The following RAB31 variants were observed in gnomAD, a reference collection of about 807,000 sequenced individuals.
RAB31 encodes RAB31, member RAS oncogene family.
Under a neutral mutation model 25.6 loss-of-function variants are expected in RAB31, and 21 were observed. That is an observed-to-expected ratio of 0.82 (90% CI 0.58 to 1.18). The LOEUF is 1.18. Among genes scored for constraint, RAB31 ranks in the 50% most tolerant of loss-of-function variants. The pLI is 0.00. For synonymous variants in RAB31, 87 were observed against 84.0 expected, an observed-to-expected ratio of 1.04 and a Z score of -0.20; for missense variants, 196 against 250.1, an observed-to-expected ratio of 0.78 and a Z score of 1.46.
At chr18:9,785,417 T>C (rs753958447) in intron 2 of RAB31, among the ~76,000 whole-genome samples, 26 of 152,280 alleles carry the variant, frequency 1.7e-4, no homozygotes, top group Non-Finnish European at 2.5e-4. Context: ...AAAGATCTTA[T>C]CATGGTGGAC....
At chr18:9,825,819 C>T (rs773889363) in intron 5 of RAB31, among the ~76,000 whole-genome samples, 10 of 152,134 alleles carry the variant, frequency 6.6e-5, no homozygotes, top group African/African-American at 1.9e-4. Flanking sequence ...CACCCATTAT[C>T]CTAAGCAAAT....
Position 9,708,461 on chromosome 18 carries a change from A to G in RAB31, c.39+17A>G. ...CTTCTCGGGGTGAGTCCTGGCCGCC[A>G]CCCGCCGGCGGACCCCGGCCCGCGC... is the stretch of plus-strand genomic sequence containing the variant. On this transcript the variant is annotated intron_variant, in intron 1 of 6. Transcript: ENST00000578921. This position sits in a 1 kb window ranked among gnomAD's most constrained non-coding sequence, Gnocchi z 6.4. 6.5e-7 allele frequency: 1 copy of G among 1,544,438 alleles called. No individual in the cohort carries two copies. The highest frequency in any genetic ancestry group is 2.6e-5 in the East Asian group (1 of 37,844).
intron 3 of RAB31, among the ~76,000 whole-genome samples, chr18:9,810,111 A>G (rs2068563294): frequency 6.6e-6 from 1 of 152,224 alleles, no homozygotes; most frequent in African/African-American, 2.4e-5. Context: ...GTTTCTAAAT[A>G]ATTGAATGAC....
In RAB31 at chr18:9,860,711, TAG is replaced by T. The variant is rs2068842911; in HGVS notation, c.*1387_*1388del. Reference sequence around the variant, plus strand: ...AGAAATGGTTAATCATGCTGTGTGCTAGCCAGGGCCAGCTGGTACCTTCTTTG... The same window carrying T: ...AGAAATGGTTAATCATGCTGTGTGCTCCAGGGCCAGCTGGTACCTTCTTTG... On this transcript the variant is annotated 3_prime_UTR_variant, in exon 7 of 7. Transcript: ENST00000578921. The T allele has an allele frequency of 6.6e-6, 1 of 152,216 alleles. No individual in the cohort carries two copies. The highest frequency in any genetic ancestry group is 1.5e-5 in the Non-Finnish European group (1 of 68,036). The allele number at this position is 152,216 out of a possible 1,614,324, so 9.4% of individuals were successfully genotyped here.
At chr18:9,763,592 GA>G (rs1464445237) in intron 1 of RAB31, among the ~76,000 whole-genome samples, 2 of 108,958 alleles carry the variant, frequency 1.8e-5, no homozygotes, top group Admixed American at 9.6e-5. Flanking sequence ...AGAAAATAAA[GA>G]AAAAAATTAT....
chr18:9,792,868 C>T (rs2068468329), intron 3 of RAB31, among the ~76,000 whole-genome samples: 1 of 152,198 alleles, frequency 6.6e-6, no homozygotes, highest in Non-Finnish European at 1.5e-5. Flanking sequence ...CAAGGAAAAT[C>T]TGAGGTCTCT....
chr18:9,717,847 C>A (rs969138912), intron 1 of RAB31, among the ~76,000 whole-genome samples: 2 of 152,074 alleles, frequency 1.3e-5, no homozygotes, highest in South Asian at 2.1e-4. Context: ...TTGGCCAGGG[C>A]ATTTACATTT....
chr18:9,745,328 C>T (rs901253873), intron 1 of RAB31, among the ~76,000 whole-genome samples: 1 of 152,178 alleles, frequency 6.6e-6, no homozygotes, highest in African/African-American at 2.4e-5. Flanking sequence ...AAGAAAGGCT[C>T]AGGACCAGAT....
At chr18:9,757,966 A>C (rs1281958267) in intron 1 of RAB31, 1 of 152,238 alleles carries the variant, frequency 6.6e-6, no homozygotes, top group Non-Finnish European at 1.5e-5. Flanking sequence ...TCCTTAGGTC[A>C]AAACAACCTT....
At chr18:9,840,300 C>T (rs2068726672) in intron 5 of RAB31, among the ~76,000 whole-genome samples, 1 of 152,180 alleles carries the variant, frequency 6.6e-6, no homozygotes, top group South Asian at 2.1e-4. Context: ...TATACCTTGG[C>T]TTGGGTGAAC....
intron 2 of RAB31, 64 bp downstream of exon 2, chr18:9,775,421 T>C: frequency 6.2e-7 from 1 of 1,601,584 alleles, no homozygotes; most frequent in South Asian, 1.1e-5. Context: ...ATGACCACTC[T>C]GTCTGTGCCT....
rs143425414 is a variant in RAB31, at chr18:9,745,812, A to G, written c.40-29466A>G. On this transcript the variant is annotated intron_variant, in intron 1 of 6. Transcript: ENST00000578921. ...GGACATTTGTGAAAAACCCACAGCT[A>G]GCATCCTGTTCAATGGCAAAAGACT... Among the ~76,000 whole-genome samples, 387 of 152,346 alleles carry G rather than the reference A, an allele frequency of 2.5e-3. 2 individuals are homozygous for G. The highest frequency in any genetic ancestry group is 9.1e-3 in the African/African-American group (377 of 41,582).
At chr18:9,781,011 C>T (rs984293852) in intron 2 of RAB31, among the ~76,000 whole-genome samples, 1 of 152,046 alleles carries the variant, frequency 6.6e-6, no homozygotes, top group Non-Finnish European at 1.5e-5. Context: ...GCATAGATAC[C>T]CATGTATACT....
At chr18:9,814,812 C>A in intron 4 of RAB31, 1 of 232,488 alleles carries the variant, frequency 4.3e-6, no homozygotes. Context: ...TTACTTAGTC[C>A]TGTTATTCTT....
chr18:9,730,583 C>T (rs1385382433), intron 1 of RAB31, among the ~76,000 whole-genome samples: 4 of 152,144 alleles, frequency 2.6e-5, no homozygotes, highest in Non-Finnish European at 5.9e-5. Context: ...CCACCACACC[C>T]GGTCCTCACT....
intron 2 of RAB31, among the ~76,000 whole-genome samples, chr18:9,777,458 A>T (rs960885403): frequency 7.9e-5 from 12 of 152,224 alleles, no homozygotes; most frequent in Admixed American, 1.3e-4. Flanking sequence ...TACTTGCAAG[A>T]TGTGCACGTT....
intron 1 of RAB31, among the ~76,000 whole-genome samples, chr18:9,745,361 A>G (rs2068200288): frequency 6.6e-6 from 1 of 152,242 alleles, no homozygotes; most frequent in South Asian, 2.1e-4. Context: ...AAATTCTACC[A>G]AACATTTAAA....
intron 2 of RAB31, among the ~76,000 whole-genome samples, chr18:9,791,429 G>T (rs1370641030): frequency 4.7e-5 from 5 of 106,896 alleles, no homozygotes; most frequent in African/African-American, 1.5e-4. Context: ...ACGGAGTCTT[G>T]CTCTGTCACT....
chr18:9,797,419 A>G (rs1315043099), intron 3 of RAB31: 1 of 152,128 alleles, frequency 6.6e-6, no homozygotes, highest in African/African-American at 2.4e-5. Context: ...TGTTCCATGT[A>G]CTGTTCTGAG....
Sources: allele counts gnomAD v4.1 joint callset (sites outside exome capture counted in the v4.1 genomes callset), GRCh38; gene constraint gnomAD v4.1.1; non-coding constraint Gnocchi (gnomAD v3.1); transcripts MANE v1.5; gene names NCBI Gene and HGNC (gene_info 2026-07-23, HGNC 2026-07-21).